NUP210: variants seen among roughly 807,000 people sequenced by gnomAD.
The protein encoded by NUP210 is nucleoporin 210.
A neutral mutation model predicts 196.0 loss-of-function variants in NUP210; 151 were observed. The ratio of observed to expected loss-of-function variants is 0.77; its 90% CI spans 0.67 to 0.88. NUP210 has a LOEUF of 0.88. Among genes scored for constraint, NUP210 ranks in the 40% least tolerant of loss-of-function variants. The probability of loss-of-function intolerance (pLI) is 0.00; values close to 1 mark genes in which losing one functional copy is unlikely to be tolerated. For missense variants in NUP210, 2,314 were observed against 2,493.7 expected (o/e 0.93, Z 1.53); for synonymous variants, 1,070 against 1,052.7 (o/e 1.02, Z -0.32).
At chr3:13,329,162 CCT>C (rs1696895610) in intron 30 of NUP210, among the ~76,000 whole-genome samples, 1 of 152,184 alleles carries the variant, frequency 6.6e-6, no homozygotes, top group South Asian at 2.1e-4. Flanking sequence ...AGCAGACTGG[CCT>C]CTCTATGAGA....
At chr3:13,417,030 C>T (rs1328891868) in intron 1 of NUP210, among the ~76,000 whole-genome samples, 1 of 152,164 alleles carries the variant, frequency 6.6e-6, no homozygotes, top group Non-Finnish European at 1.5e-5. Context: ...TTCAATAATG[C>T]AAAATATCTA....
intron 20 of NUP210, among the ~76,000 whole-genome samples, chr3:13,344,249 T>A (rs1474759458): frequency 6.6e-6 from 1 of 152,238 alleles, no homozygotes; most frequent in African/African-American, 2.4e-5. Context: ...CACCCTTTCA[T>A]GCTGCAGAAG....
chr3:13,327,124 G>A (rs1194047486), intron 32 of NUP210, 93 bp downstream of exon 32: 19 of 964,786 alleles, frequency 2.0e-5, no homozygotes, highest in Admixed American at 2.5e-5. Flanking sequence ...GTAGGCCCCC[G>A]TGACTGGTGC....
chr3:13,396,130 C>T (rs1699644257), intron 3 of NUP210, among the ~76,000 whole-genome samples: 1 of 152,150 alleles, frequency 6.6e-6, no homozygotes, highest in South Asian at 2.1e-4. Flanking sequence ...GACATTTGGC[C>T]ATGTCTGGGC....
At chr3:13,395,992 A>G (rs1260272502) in intron 3 of NUP210, among the ~76,000 whole-genome samples, 2 of 152,214 alleles carry the variant, frequency 1.3e-5, no homozygotes, top group Non-Finnish European at 2.9e-5. Flanking sequence ...GGTCCCCAGG[A>G]CAAGCATCAC....
chr3:13,322,668 T>C (rs1178342013), intron 34 of NUP210, among the ~76,000 whole-genome samples: 7 of 152,208 alleles, frequency 4.6e-5, no homozygotes, highest in Admixed American at 3.9e-4. Flanking sequence ...GAAACGGCAA[T>C]TTACTTCTGC....
intron 5 of NUP210, 34 bp from the exon 6 acceptor site, chr3:13,386,441 G>T: frequency 6.2e-7 from 1 of 1,613,010 alleles, no homozygotes; most frequent in South Asian, 1.1e-5. Context: ...AAAGTGAGGT[G>T]CGGACAGGGA....
At chr3:13,356,778 T>C (rs1260109552) in intron 16 of NUP210, among the ~76,000 whole-genome samples, 1 of 152,250 alleles carries the variant, frequency 6.6e-6, no homozygotes, top group Non-Finnish European at 1.5e-5. Context: ...CATTATTTTC[T>C]GGCGACATCT....
intron 13 of NUP210, among the ~76,000 whole-genome samples, chr3:13,366,417 C>T (rs565432574): frequency 6.6e-6 from 1 of 152,266 alleles, no homozygotes; most frequent in Non-Finnish European, 1.5e-5. Context: ...CAGGTGTGAG[C>T]CACTGTGCCC....
intron 16 of NUP210, chr3:13,354,372 CTGGCTG>C (rs1698094661): frequency 2.0e-6 from 1 of 494,724 alleles, no homozygotes; most frequent in Non-Finnish European, 3.7e-6. Flanking sequence ...GGAGGCATTT[CTGGCTG>C]TCCCTACGCA....
chr3:13,345,279 T>G lies in NUP210; in HGVS notation c.2836-1976A>C, dbSNP rs369395550. 4 of 966,128 alleles carry G rather than the reference T, an allele frequency of 4.1e-6. No homozygotes were observed. The African/African-American group carries it at 7.0e-5, about 17-fold the overall frequency. The allele number at this position is 966,128 out of a possible 1,614,324, so 59.8% of individuals were successfully genotyped here. ...CCTTCACTTATTTGGAAAGTGCTGA[T>G]TCTGGTCCAACCACTTCAATGTGCA... On this transcript the variant is annotated intron_variant, in intron 20 of 39. Transcript: ENST00000254508.
At chr3:13,338,010 C>CA (rs1697295842) in intron 25 of NUP210, 93 bp from the exon 26 acceptor site, 1 of 1,229,544 alleles carries the variant, frequency 8.1e-7, no homozygotes, top group East Asian at 2.5e-5. Context: ...GGCTGCGGCT[C>CA]AGAGTCTGTG....
chr3:13,337,871 C>T lies in NUP210; in HGVS notation c.3518G>A (p.Arg1173His), dbSNP rs139969694. The T allele has an allele frequency of 2.0e-4, 321 of 1,612,496 alleles. No individual in the cohort carries two copies. Among genetic ancestry groups the T allele is most frequent in the Non-Finnish European group, 2.5e-4 (300 of 1,179,846 alleles). ...EVLLLRAVRI[R>H]APIMRMRTGT... The stretch of plus-strand genomic sequence containing the variant: ...CGTCCTCATCCGCATGATGGGGGCG[C>T]GGATCCTCACGGCCCTTAGCAGCAG... The change falls in exon 26 of 40, where the codon CGC (arginine) becomes CAC (histidine). Residue 1173 changes from arginine to histidine, a missense_variant. Coordinates refer to ENST00000254508, the MANE Select transcript of NUP210 (RefSeq NM_024923.4).
rs376939722 is a variant in NUP210, at chr3:13,331,120, G to A, written c.3936-486C>T. ...ACATTATGTCCCCTCTTCTCTCGGC[G>A]TTGACTTCTTACTTGGTAAAAGGTG... is the stretch of plus-strand genomic sequence containing the variant. On this transcript the variant is annotated intron_variant, in intron 29 of 39. Coordinates refer to ENST00000254508, the MANE Select transcript of NUP210 (RefSeq NM_024923.4). Among the ~76,000 whole-genome samples, 46 of 152,184 alleles carry A rather than the reference G, an allele frequency of 3.0e-4. 4 individuals are homozygous for A. Among genetic ancestry groups the A allele is most frequent in the South Asian group, 2.7e-3 (13 of 4,818 alleles).
At chr3:13,388,549 G>A in intron 4 of NUP210, 96 bp from the exon 5 acceptor site, 1 of 1,304,958 alleles carries the variant, frequency 7.7e-7, no homozygotes, top group Non-Finnish European at 1.0e-6. Context: ...ACCTCCCACT[G>A]GGGCTGATGC....
intron 28 of NUP210, among the ~76,000 whole-genome samples, chr3:13,333,426 T>C (rs1202045689): frequency 6.6e-6 from 1 of 152,240 alleles, no homozygotes; most frequent in Non-Finnish European, 1.5e-5. Context: ...GCCTGAGCCC[T>C]GGGCCATGGC....
At chr3:13,319,725 T>A in intron 37 of NUP210, 38 bp downstream of exon 37, 2 of 1,583,546 alleles carry the variant, frequency 1.3e-6, no homozygotes, top group East Asian at 2.2e-5. Flanking sequence ...TCCCTCCCCA[T>A]CCTGGTCTGT....
chr3:13,345,192 C>G (rs1473682064), intron 20 of NUP210: 6 of 985,354 alleles, frequency 6.1e-6, no homozygotes, highest in Non-Finnish European at 7.2e-6. Flanking sequence ...CTCAGCTTTA[C>G]AGAGTAAAAC....
rs745492911 is a variant in NUP210 at position 13,397,415 on chromosome 3, G to A, written c.378C>T (p.Arg126=). The A allele has an allele frequency of 1.1e-5, 18 of 1,612,966 alleles. No individual in the cohort carries two copies. The highest frequency in any genetic ancestry group is 9.4e-5 in the African/African-American group (7 of 74,852). The change falls in exon 3 of 40, where the codon CGC becomes CGT. Residue 126 remains arginine, a synonymous_variant. Coordinates refer to ENST00000254508, the MANE Select transcript of NUP210 (RefSeq NM_024923.4). The part of the protein sequence containing the change: ...IHDIQIVSTT[R]ELYLEDSPLE... ...GGGGGGAGTCCTCCAGGTAGAGCTC[G>A]CGGGTGGTGGAGACGATCTGGATGT...
Sources: gnomAD v4.1 joint callset for allele counts (sites outside exome capture counted in the v4.1 genomes callset) on GRCh38, gnomAD v4.1.1 for gene constraint, MANE v1.5 for transcripts, NCBI Gene and HGNC (gene_info 2026-07-23, HGNC 2026-07-21) for gene names.